The following PC variants were observed in gnomAD, a reference collection of about 807,000 sequenced individuals.
PC encodes pyruvate carboxylase, also known as pyruvate carboxylase, mitochondrial.
A neutral mutation model predicts 107.8 loss-of-function variants in PC; 46 were observed. That is an observed-to-expected ratio of 0.43 (90% CI 0.34 to 0.55). The LOEUF is 0.55. PC is among the 20% of genes least tolerant of loss of function. The probability of loss-of-function intolerance (pLI) is 0.04; values close to 1 mark genes in which losing one functional copy is unlikely to be tolerated. For missense variants in PC, 1,241 were observed against 1,643.1 expected, an observed-to-expected ratio of 0.76 and a Z score of 4.23; for synonymous variants, 662 against 684.7, an observed-to-expected ratio of 0.97 and a Z score of 0.52.
chr11:66,895,139 G>A (rs1947709811), intron 3 of PC, among the ~76,000 whole-genome samples: 1 of 152,122 alleles, frequency 6.6e-6, no homozygotes, highest in Non-Finnish European at 1.5e-5. Flanking sequence ...AGGGAAAAGT[G>A]TGGGGTCTCT....
At chr11:66,878,463 C>G (rs1947064132) in intron 3 of PC, among the ~76,000 whole-genome samples, 1 of 152,256 alleles carries the variant, frequency 6.6e-6, no homozygotes, top group South Asian at 2.1e-4. Context: ...AGGCTGCACC[C>G]TGCCCCACAG....
chr11:66,909,915 A>G (rs1212306809), intron 3 of PC, among the ~76,000 whole-genome samples: 1 of 152,088 alleles, frequency 6.6e-6, no homozygotes, highest in Non-Finnish European at 1.5e-5. Context: ...ACCGGGTATG[A>G]GCAGAAGGGG....
At chr11:66,946,446 T>C (rs1170101837) in intron 3 of PC, among the ~76,000 whole-genome samples, 1 of 151,778 alleles carries the variant, frequency 6.6e-6, no homozygotes, top group South Asian at 2.1e-4. Context: ...CTGGCCAATA[T>C]GGTGAAACCC....
At chr11:66,908,430 A>G (rs183902609) in intron 3 of PC, among the ~76,000 whole-genome samples, 1 of 152,142 alleles carries the variant, frequency 6.6e-6, no homozygotes, top group African/African-American at 2.4e-5. Flanking sequence ...ACGATTTATC[A>G]GCAAGCAGAT....
At chr11:66,880,956 G>A (rs984633431) in intron 3 of PC, among the ~76,000 whole-genome samples, 40 of 152,206 alleles carry the variant, frequency 2.6e-4, no homozygotes, top group African/African-American at 8.9e-4. Flanking sequence ...GAGCTGAGCC[G>A]CAACTCTTCA....
chr11:66,905,692 A>T (rs1257012917), intron 3 of PC, among the ~76,000 whole-genome samples: 1 of 152,182 alleles, frequency 6.6e-6, no homozygotes, highest in African/African-American at 2.4e-5. Context: ...AGAGAAATAT[A>T]GACACAATGA....
Position 66,892,174 on chromosome 11 carries a change from G to A in PC, c.1-20015C>T, listed in dbSNP as rs72925037. Reference sequence around the variant, plus strand: ...TGAGAATAAAAGGTGGGGCGAGTCCGGGAACAAGGCTGCGAGGCTCGGGTG... The same window carrying A: ...TGAGAATAAAAGGTGGGGCGAGTCCAGGAACAAGGCTGCGAGGCTCGGGTG... On this transcript the variant is annotated intron_variant, in intron 3 of 22. Coordinates refer to ENST00000393960, the MANE Select transcript of PC (RefSeq NM_001040716.2). Among the ~76,000 whole-genome samples the A allele has an allele frequency of 9.1e-4, 139 of 152,240 alleles. 1 individual carries two copies. Among genetic ancestry groups the A allele is most frequent in the Admixed American group, 2.6e-3 (40 of 15,290 alleles).
At chr11:66,873,966 CTT>C (rs1247452990) in intron 3 of PC, among the ~76,000 whole-genome samples, 1 of 143,822 alleles carries the variant, frequency 7.0e-6, no homozygotes. Flanking sequence ...TTTCTTTTTT[CTT>C]TTTTTTTTTG....
At position 66,872,059 on chromosome 11, in the gene PC, T is replaced by C. The variant is rs755426963; in HGVS notation, c.101A>G (p.Tyr34Cys). 6.4e-7 allele frequency: 1 copy of C among 1,563,702 alleles called. No homozygotes were observed. The highest frequency in any genetic ancestry group is 8.7e-7 in the Non-Finnish European group (1 of 1,153,952). The change falls in exon 4 of 23, where the codon TAT becomes TGT. Residue 34 changes from tyrosine (Y) to cysteine (C), a missense_variant. By Grantham distance (194) the Tyr-to-Cys change is radical. This residue lies in a region of PC where 1,143 missense variants were observed against 1,551.9 expected (regional missense o/e 0.74). Transcript: ENST00000393960. ...AASPNVRRLE[Y>C]KPIKKVMVAN... is the part of the protein sequence containing the mutation. ...CACCATGACTTTCTTGATGGGCTTA[T>C]ACTCCAGGCGCCGGACATTTGGGGA... is the stretch of plus-strand genomic sequence containing the variant.
intron 16 of PC, 110 bp from the exon 17 acceptor site, chr11:66,851,390 G>A: frequency 1.3e-6 from 2 of 1,491,218 alleles, no homozygotes; most frequent in South Asian, 1.2e-5. Context: ...GAGATCTGAG[G>A]GTCTCGCCTG....
At chr11:66,859,145 C>T in intron 12 of PC, 1 of 1,470,728 alleles carries the variant, frequency 6.8e-7, no homozygotes, top group Non-Finnish European at 9.0e-7. Flanking sequence ...CTTCCTCCGC[C>T]CTCTGCTCCC....
In PC at chr11:66,870,228, C is replaced by A; in HGVS notation, c.903+74G>T. The A allele has an allele frequency of 6.3e-7, 1 of 1,583,372 alleles. No individual in the cohort carries two copies. The highest frequency in any genetic ancestry group is 8.6e-7 in the Non-Finnish European group (1 of 1,160,950). The stretch of plus-strand genomic sequence containing the variant: ...GGGGACTCAGGGTCCCCTTCCCCAA[C>A]CAGCGCCCCACTGTGAGGCCTGCCG... On this transcript the variant is annotated intron_variant, in intron 9 of 22. Coordinates refer to ENST00000393960, the MANE Select transcript of PC (RefSeq NM_001040716.2). This position sits in a 1 kb window ranked among gnomAD's most constrained non-coding sequence, Gnocchi z 6.1.
At chr11:66,906,725 C>T (rs985262099) in intron 3 of PC, among the ~76,000 whole-genome samples, 2 of 152,044 alleles carry the variant, frequency 1.3e-5, no homozygotes, top group African/African-American at 2.4e-5. Context: ...GAGCCTGGCC[C>T]GTTTGCAGTT....
At position 66,858,702 on chromosome 11, in the gene PC, C is replaced by A. The variant is rs770259072; in HGVS notation, c.1368+5072G>T. ...CATGCACTGGGTCGGTCCTGACGACCGGTTGGTTGGCAACTCCTCCCGAGC... is the reference window on the plus strand; with the variant it reads ...CATGCACTGGGTCGGTCCTGACGACAGGTTGGTTGGCAACTCCTCCCGAGC... On this transcript the variant is annotated intron_variant, in intron 12 of 22. Coordinates refer to ENST00000393960, the MANE Select transcript of PC (RefSeq NM_001040716.2). This position sits in a 1 kb window ranked among gnomAD's most constrained non-coding sequence, Gnocchi z 5.9. 2 of 1,550,380 alleles carry A rather than the reference C, an allele frequency of 1.3e-6. No individual in the cohort carries two copies. Among genetic ancestry groups the A allele is most frequent in the Admixed American group, 1.9e-5 (1 of 52,004 alleles).
intron 3 of PC, among the ~76,000 whole-genome samples, chr11:66,910,233 C>A (rs1195521017): frequency 2.0e-5 from 3 of 152,094 alleles, no homozygotes; most frequent in Admixed American, 6.6e-5. Context: ...AGGCTTCCAG[C>A]TGGAGGTTCC....
At position 66,850,559 on chromosome 11, in the gene PC, G is replaced by A. The variant is rs567645106; in HGVS notation, c.2474-95C>T. 1.3e-5 allele frequency: 21 copies of A among 1,605,838 alleles called. 1 individual carries two copies. The highest frequency in any genetic ancestry group is 3.3e-5 in the Admixed American group (2 of 59,990). On this transcript the variant is annotated intron_variant, in intron 18 of 22. Transcript: ENST00000393960. ...GGTCCCATGTCTGACTCAGGTGACA[G>A]AAGGCGGCAAGGCCAGAGCAGGGCA... is the stretch of plus-strand genomic sequence containing the variant.
chr11:66,950,607 G>C (rs1949413735), intron 3 of PC, among the ~76,000 whole-genome samples: 1 of 152,220 alleles, frequency 6.6e-6, no homozygotes, highest in African/African-American at 2.4e-5. Flanking sequence ...CAAGTCAGCA[G>C]TGCCTTGGGA....
intron 2 of PC, among the ~76,000 whole-genome samples, chr11:66,952,836 C>T (rs1482528318): frequency 6.6e-6 from 1 of 152,202 alleles, no homozygotes; most frequent in African/African-American, 2.4e-5. Flanking sequence ...AGCCACCGCA[C>T]CCGGCCAAGA....
intron 3 of PC, among the ~76,000 whole-genome samples, chr11:66,890,439 G>C (rs1947530012): frequency 6.7e-6 from 1 of 150,324 alleles, no homozygotes; most frequent in South Asian, 2.1e-4. Context: ...TTGTTGCCTG[G>C]GCTGGAGTGA....
Sources: allele counts gnomAD v4.1 joint callset (sites outside exome capture counted in the v4.1 genomes callset), GRCh38; gene constraint gnomAD v4.1.1; regional missense constraint gnomAD v4.1.1; non-coding constraint Gnocchi (gnomAD v3.1); transcripts MANE v1.5; gene names NCBI Gene and HGNC (gene_info 2026-07-23, HGNC 2026-07-21).